Variants in IL1R1 observed in about 807,000 individuals in gnomAD.
IL1R1 encodes interleukin-1 receptor type 1.
IL1R1 carries 22 observed loss-of-function variants against 50.2 expected under a neutral mutation model. The ratio of observed to expected loss-of-function variants is 0.44; its 90% CI spans 0.31 to 0.63. The LOEUF is 0.63. Among genes scored for constraint, IL1R1 ranks in the 20% least tolerant of loss-of-function variants. The pLI is 0.07. For missense variants in IL1R1, 509 were observed against 676.2 expected, an observed-to-expected ratio of 0.75 and a Z score of 2.74; for synonymous variants, 251 against 236.7, an observed-to-expected ratio of 1.06 and a Z score of -0.55.
In IL1R1 at chr2:102,175,596, G is replaced by A. The variant is rs1686058542; in HGVS notation, c.1254G>A (p.Gln418=). The change falls in exon 11 of 12, where the codon CAG becomes CAA. Residue 418 remains glutamine (Q), a synonymous_variant. Transcript: ENST00000410023. The part of the protein sequence containing the change: ...FKVLPEVLEK[Q]CGYKLFIYGR... Reference sequence around the variant, plus strand: ...TCTTGCCTGAGGTCTTGGAAAAACAGTGTGGATATAAGCTGTTCATTTATG... The same window carrying A: ...TCTTGCCTGAGGTCTTGGAAAAACAATGTGGATATAAGCTGTTCATTTATG... The A allele has an allele frequency of 6.2e-7, 1 of 1,613,938 alleles. No individual in the cohort carries two copies. The highest frequency in any genetic ancestry group is 8.5e-7 in the Non-Finnish European group (1 of 1,179,964).
intron 7 of IL1R1, among the ~76,000 whole-genome samples, chr2:102,170,787 G>T (rs1024370821): frequency 2.0e-5 from 3 of 152,184 alleles, no homozygotes; most frequent in African/African-American, 7.2e-5. Flanking sequence ...CCAGCCAGGC[G>T]TGGTGGCTCA....
At position 102,177,833 on chromosome 2, in the gene IL1R1, C is replaced by T. The variant is rs1686269591; in HGVS notation, c.*1074C>T. 6.6e-6 allele frequency: 1 copy of T among 152,554 alleles called. No individual in the cohort carries two copies. Among genetic ancestry groups the T allele is most frequent in the African/African-American group, 2.4e-5 (1 of 41,428 alleles). The allele number at this position is 152,554 out of a possible 1,614,324, so 9.5% of individuals were successfully genotyped here. On this transcript the variant is annotated 3_prime_UTR_variant, in exon 12 of 12. Transcript: ENST00000410023. The stretch of plus-strand genomic sequence containing the variant: ...TAGTGGCTTCCTCCGTCTGCAATGT[C>T]CCTTGCACAGCCCACACATGAACCA...
At chr2:102,097,146 G>C (rs60430099) in intron 1 of IL1R1, among the ~76,000 whole-genome samples, 1 of 152,106 alleles carries the variant, frequency 6.6e-6, no homozygotes, top group Non-Finnish European at 1.5e-5. Context: ...GGTTCTTTTA[G>C]AATGGTGACT....
At chr2:102,153,628 G>C (rs1307681496) in intron 1 of IL1R1, among the ~76,000 whole-genome samples, 1 of 152,138 alleles carries the variant, frequency 6.6e-6, no homozygotes, top group Non-Finnish European at 1.5e-5. Flanking sequence ...CTGTTCTCAT[G>C]ATAGTGAGTG....
At position 102,177,398 on chromosome 2, in the gene IL1R1, C is replaced by A. The variant is rs201146579; in HGVS notation, c.*639C>A. The A allele has an allele frequency of 6.4e-6, 1 of 155,722 alleles. No homozygotes were observed. The highest frequency in any genetic ancestry group is 1.4e-5 in the Non-Finnish European group (1 of 69,070). The allele number at this position is 155,722 out of a possible 1,614,324, so 9.6% of individuals were successfully genotyped here. ...TGGCTTAGTTAAGTCATCCACAGCC[C>A]AAGGGCGGGGCTATGCCTTGTCTGG... On this transcript the variant is annotated 3_prime_UTR_variant, in exon 12 of 12. Transcript: ENST00000410023.
At chr2:102,140,035 C>T (rs1682556797), upstream of IL1R1, among the ~76,000 whole-genome samples, 1 of 152,194 alleles carries the variant, frequency 6.6e-6, no homozygotes, top group South Asian at 2.1e-4. Flanking sequence ...CTCCCCTTCC[C>T]ACCTGCTGGT....
chr2:102,172,822 C>T lies in IL1R1; in HGVS notation c.975C>T (p.Ile325=). ...KNTHGIDAAY[I]QLIYPVTNFQ... is the part of the protein sequence containing the mutation. The stretch of plus-strand genomic sequence containing the variant: ...CACATGGTATAGATGCAGCATATAT[C>T]CAGTTAATATATCCAGGTAAACAAC... Residue 325 remains isoleucine (I), a synonymous_variant, in exon 9 of 12, where the codon ATC becomes ATT. Transcript: ENST00000410023. 1 of 1,602,522 alleles carries T rather than the reference C, an allele frequency of 6.2e-7. No homozygotes were observed. Among genetic ancestry groups the T allele is most frequent in the Non-Finnish European group, 8.5e-7 (1 of 1,173,152 alleles).
chr2:102,177,035 G>C lies in IL1R1; in HGVS notation c.*276G>C, dbSNP rs549995603. On this transcript the variant is annotated 3_prime_UTR_variant, in exon 12 of 12. Coordinates refer to ENST00000410023, the MANE Select transcript of IL1R1 (RefSeq NM_000877.4). ...AATCCCAGCACTTTGGGAGGCTGAA[G>C]TGGGTGGATCACCAGAGGTCAGGAG... is the stretch of plus-strand genomic sequence containing the variant. 4 of 356,652 alleles carry C rather than the reference G, an allele frequency of 1.1e-5. No individual in the cohort carries two copies. The South Asian group carries it at 1.6e-4, about 15-fold the overall frequency. The allele number at this position is 356,652 out of a possible 1,614,324, so 22.1% of individuals were successfully genotyped here.
Position 102,085,205 on chromosome 2 carries a change from T to C in IL1R1, c.-84+14672T>C, listed in dbSNP as rs73943968. Among the ~76,000 whole-genome samples, 1,171 of 152,320 alleles carry C rather than the reference T, an allele frequency of 7.7e-3. 15 individuals are homozygous for C. The highest frequency in any genetic ancestry group is 0.027 in the African/African-American group (1,122 of 41,578). On this transcript the variant is annotated intron_variant, in intron 1 of 11. Coordinates refer to the IL1R1 transcript ENST00000409929. ...ATTGCATTTCATTTCCCTAATGGTG[T>C]CTTTGGATGAACACACCTTGATTTA...
chr2:102,143,947 C>T (rs1360901728), intron 1 of IL1R1, among the ~76,000 whole-genome samples: 4 of 152,158 alleles, frequency 2.6e-5, no homozygotes, highest in Admixed American at 6.5e-5. Flanking sequence ...CCATTCGTCA[C>T]GGGAATGTGA....
chr2:102,175,845 A>G, intron 11 of IL1R1, 200 bp downstream of exon 11: 1 of 623,476 alleles, frequency 1.6e-6, no homozygotes, highest in Non-Finnish European at 2.8e-6. Flanking sequence ...TAATTAAGTG[A>G]TTTTCATTTA....
chr2:102,090,845 G>C (rs897762276), intron 1 of IL1R1, among the ~76,000 whole-genome samples: 1 of 151,804 alleles, frequency 6.6e-6, no homozygotes, highest in Non-Finnish European at 1.5e-5. Flanking sequence ...ATATTTTCTC[G>C]TCTCTGTGGT....
intron 7 of IL1R1, among the ~76,000 whole-genome samples, chr2:102,169,980 A>G (rs1164142208): frequency 1.3e-5 from 2 of 152,188 alleles, no homozygotes; most frequent in African/African-American, 4.8e-5. Context: ...CCTCTTCCCC[A>G]AGAACCAGTT....
chr2:102,104,209 TG>T (rs1326728228), upstream of IL1R1, among the ~76,000 whole-genome samples: 3 of 151,996 alleles, frequency 2.0e-5, no homozygotes, highest in Non-Finnish European at 4.4e-5. Flanking sequence ...GGCCAGCATC[TG>T]GGACACGAGC....
intron 1 of IL1R1, among the ~76,000 whole-genome samples, chr2:102,084,041 T>TAGCG (rs756537330): frequency 6.6e-6 from 1 of 152,248 alleles, no homozygotes; most frequent in Admixed American, 6.5e-5. Context: ...CAAGGCCTCA[T>TAGCG]AGCGACTCTG....
At chr2:102,135,405 T>A (rs1333866136) in intron 1 of IL1R1, among the ~76,000 whole-genome samples, 1 of 152,200 alleles carries the variant, frequency 6.6e-6, no homozygotes, top group Non-Finnish European at 1.5e-5. Flanking sequence ...TGCATTCCTA[T>A]CTCTGAAGCT....
At chr2:102,106,180 T>A (rs1680398573) in intron 1 of IL1R1, among the ~76,000 whole-genome samples, 1 of 152,040 alleles carries the variant, frequency 6.6e-6, no homozygotes, top group African/African-American at 2.4e-5. Flanking sequence ...GACCAACTGG[T>A]TTGGTGAGTC....
intron 1 of IL1R1, among the ~76,000 whole-genome samples, chr2:102,143,698 C>T (rs1466707384): frequency 1.3e-5 from 2 of 152,204 alleles, no homozygotes; most frequent in Non-Finnish European, 2.9e-5. Context: ...CAGCCCCCCT[C>T]TGTCTTCCCT....
chr2:102,157,654 T>C (rs1375667492), intron 2 of IL1R1, 65 bp from the exon 3 acceptor site: 9 of 1,039,390 alleles, frequency 8.7e-6, no homozygotes, highest in Admixed American at 1.9e-5. Context: ...ATATTTAGTT[T>C]TAGAGATTTG....
Sources: gnomAD v4.1 joint callset for allele counts (sites outside exome capture counted in the v4.1 genomes callset) on GRCh38, gnomAD v4.1.1 for gene constraint, MANE v1.5 for transcripts, NCBI Gene and HGNC (gene_info 2026-07-23, HGNC 2026-07-21) for gene names.